BPTF: variants seen among roughly 807,000 people sequenced by gnomAD.
BPTF encodes the protein nucleosome-remodeling factor subunit BPTF.
In BPTF, 18 loss-of-function variants were observed where a neutral mutation model predicts 292.5. The ratio of observed to expected loss-of-function variants is 0.06; its 90% confidence interval spans 0.04 to 0.09. The LOEUF (loss-of-function observed/expected upper bound fraction) is 0.09, where lower values mean the gene tolerates loss of function less well. BPTF is among the 10% of genes least tolerant of loss of function. The pLI is 1.00. For missense variants in BPTF, 2,726 were observed against 3,498.7 expected, an observed-to-expected ratio of 0.78 and a Z score of 5.57; for synonymous variants, 1,225 against 1,251.9, an observed-to-expected ratio of 0.98 and a Z score of 0.45.
chr17:67,871,017 C>T (rs751731898), intron 3 of BPTF, among the ~76,000 whole-genome samples: 191 of 151,884 alleles, frequency 1.3e-3, no homozygotes, highest in Non-Finnish European at 1.6e-3. Flanking sequence ...GTGATCCGCC[C>T]GCCTCGGCCT....
chr17:67,826,588 C>CT (rs1023571179), intron 1 of BPTF, among the ~76,000 whole-genome samples: 1 of 147,976 alleles, frequency 6.8e-6, no homozygotes, highest in Admixed American at 6.8e-5. Context: ...TCTCCCCCCC[C>CT]CAACCCCCTT....
intron 13 of BPTF, among the ~76,000 whole-genome samples, chr17:67,922,066 C>G: frequency 6.6e-6 from 1 of 152,140 alleles, no homozygotes; most frequent in Admixed American, 6.5e-5. Context: ...CGTCCTGGCA[C>G]AGAAACAGCT....
At chr17:67,891,411 C>G (rs1402209224) in intron 4 of BPTF, 1 of 152,948 alleles carries the variant, frequency 6.5e-6, no homozygotes, top group South Asian at 2.1e-4. Flanking sequence ...TTTATAAGCT[C>G]AAAACTATTT....
At chr17:67,938,795 C>T (rs768017094) in intron 18 of BPTF, among the ~76,000 whole-genome samples, 8 of 151,988 alleles carry the variant, frequency 5.3e-5, no homozygotes, top group Non-Finnish European at 1.2e-4. Flanking sequence ...GAAATAAAAA[C>T]GTAGATGGCA....
At position 67,875,588 on chromosome 17, in the gene BPTF, G is replaced by A. The variant is rs139353057; in HGVS notation, c.1864+568G>A. On this transcript the variant is annotated intron_variant, in intron 4 of 27. Coordinates refer to ENST00000306378, the MANE Select transcript of BPTF (RefSeq NM_182641.4). ...AGAAGTTGGGGATAAAGGTAACTCT[G>A]TGTCAGCAAATCTTGGCGACAACAC... The A allele has an allele frequency of 4.2e-5, 67 of 1,576,684 alleles. No individual in the cohort carries two copies. In the African/African-American group the frequency reaches 6.1e-4, roughly 14 times the overall value.
chr17:67,868,218 G>T (rs1250834403), intron 3 of BPTF, among the ~76,000 whole-genome samples: 1 of 152,114 alleles, frequency 6.6e-6, no homozygotes, highest in African/African-American at 2.4e-5. Context: ...AGGGTATGCT[G>T]TGAAAAATGA....
chr17:67,936,826 T>C (rs1264505733), intron 18 of BPTF: 1 of 152,232 alleles, frequency 6.6e-6, no homozygotes, highest in Non-Finnish European at 1.5e-5. Context: ...ATATAAAGCA[T>C]ATAAAATACT....
At chr17:67,927,866 C>G (rs2064047095) in intron 15 of BPTF, among the ~76,000 whole-genome samples, 4 of 151,808 alleles carry the variant, frequency 2.6e-5, no homozygotes. Context: ...ATATGGCCTT[C>G]ATCAAGAAAT....
Position 67,891,921 on chromosome 17 carries a change from A to G in BPTF, c.1942A>G (p.Thr648Ala). ...PGAGKGASGS[T>A]RIITRLRNPD... ...AGCTGGAAAAGGAGCATCTGGCTCA[A>G]CTCGAATCATCACCAGATTGCGGAA... Residue 648 changes from threonine to alanine, a missense_variant, in exon 5 of 28, where the codon ACT becomes GCT. Thr to Ala is a moderately conservative substitution (Grantham distance 58). Transcript: ENST00000306378. The G allele has an allele frequency of 1.2e-6, 2 of 1,613,032 alleles. No homozygotes were observed. Among genetic ancestry groups the G allele is most frequent in the Non-Finnish European group, 1.7e-6 (2 of 1,179,626 alleles).
At position 67,911,619 on chromosome 17, in the gene BPTF, T is replaced by C. The variant is rs763451277; in HGVS notation, c.3735T>C (p.Ile1245=). The C allele has an allele frequency of 6.2e-7, 1 of 1,614,168 alleles. No individual in the cohort carries two copies. The highest frequency in any genetic ancestry group is 1.7e-5 in the Admixed American group (1 of 60,014). Residue 1245 remains isoleucine (I), a synonymous_variant, in exon 11 of 28, where the codon ATT becomes ATC. Transcript: ENST00000306378. ...TCATACAGGAGGAAAGTGACACCAT[T>C]GTTTCTTCTTCCAAGAGTGCTTTAC... The part of the protein sequence containing the change: ...KPLIQEESDT[I]VSSSKSALHS...
intron 26 of BPTF, 110 bp downstream of exon 26, chr17:67,966,766 T>G: frequency 3.1e-6 from 3 of 966,376 alleles, no homozygotes; most frequent in Non-Finnish European, 2.9e-6. Flanking sequence ...GGGGTATAAA[T>G]TGGTATGGTC....
At chr17:67,944,449 C>T in intron 20 of BPTF, 77 bp downstream of exon 20, 2 of 1,478,832 alleles carry the variant, frequency 1.4e-6, no homozygotes, top group South Asian at 2.4e-5. Flanking sequence ...AACAGGAGAA[C>T]CAGTATTTAC....
At chr17:67,959,004 G>T (rs574519609) in intron 23 of BPTF, among the ~76,000 whole-genome samples, 7 of 152,200 alleles carry the variant, frequency 4.6e-5, no homozygotes, top group African/African-American at 1.7e-4. Context: ...AAAATAGTGC[G>T]TTATGTTGCA....
intron 12 of BPTF, among the ~76,000 whole-genome samples, chr17:67,919,173 AAATAATAATAATAATAATAATAAT>A (rs141658141): frequency 2.2e-5 from 3 of 135,558 alleles, no homozygotes; most frequent in East Asian, 2.1e-4. Context: ...CTCTGTCTCA[AAATAATAATAATAATAATAATAAT>A]AATAATAATA....
At chr17:67,948,048 C>T in intron 22 of BPTF, 33 bp from the exon 23 acceptor site, 1 of 1,580,754 alleles carries the variant, frequency 6.3e-7, no homozygotes, top group Non-Finnish European at 8.7e-7. Context: ...AATGAAACGC[C>T]CAGCATTACA....
Position 67,931,891 on chromosome 17 carries a change from G to C in BPTF, c.6151-20G>C. The stretch of plus-strand genomic sequence containing the variant: ...TCTTTTTAAAGCATTTTAATTCATT[G>C]TTCTTTGTGTCATTTATAGGTAATC... On this transcript the variant is annotated intron_variant, in intron 17 of 27. Transcript: ENST00000306378. The C allele has an allele frequency of 6.4e-7, 1 of 1,569,914 alleles. No individual in the cohort carries two copies. Among genetic ancestry groups the C allele is most frequent in the South Asian group, 1.1e-5 (1 of 89,124 alleles).
intron 25 of BPTF, chr17:67,964,998 CAAAAAAAAAAAAAA>C (rs58009257): frequency 2.3e-5 from 1 of 44,080 alleles, no homozygotes; most frequent in South Asian, 1.8e-3. Flanking sequence ...GACTCCATCG[CAAAAAAAAAAAAAA>C]AAAAAAAAGA....
At chr17:67,949,785 C>T (rs1174771664) in intron 23 of BPTF, among the ~76,000 whole-genome samples, 1 of 151,592 alleles carries the variant, frequency 6.6e-6, no homozygotes, top group Non-Finnish European at 1.5e-5. Context: ...AGGCCAGACA[C>T]GGTGTCTCAC....
intron 27 of BPTF, among the ~76,000 whole-genome samples, chr17:67,976,397 T>A (rs2069422538): frequency 6.6e-6 from 1 of 152,066 alleles, no homozygotes; most frequent in African/African-American, 2.4e-5. Flanking sequence ...CACTTGAACT[T>A]GGGAGGCGGA....
Sources: gnomAD v4.1 joint callset for allele counts (sites outside exome capture counted in the v4.1 genomes callset) on GRCh38, gnomAD v4.1.1 for gene constraint, MANE v1.5 for transcripts, NCBI Gene and HGNC (gene_info 2026-07-23, HGNC 2026-07-21) for gene names.